Variants in CREBZF observed in about 807,000 individuals in gnomAD.
CREBZF encodes HCF-binding transcription factor Zhangfei.
CREBZF carries 8 observed loss-of-function variants against 21.1 expected under a neutral mutation model. That is an observed-to-expected ratio of 0.38 (90% CI 0.22 to 0.68). The LOEUF (loss-of-function observed/expected upper bound fraction) is 0.68. Ranked by LOEUF, CREBZF falls within the 30% of genes least tolerant of loss-of-function variation. The probability of loss-of-function intolerance (pLI) is 0.51; values close to 1 mark genes in which losing one functional copy is unlikely to be tolerated. For synonymous variants in CREBZF, 270 were observed against 223.3 expected, an observed-to-expected ratio of 1.21 and a Z score of -1.86; for missense variants, 518 against 484.3, an observed-to-expected ratio of 1.07 and a Z score of -0.65.
intron 1 of CREBZF, among the ~76,000 whole-genome samples, chr11:85,682,339 T>G (rs2082981546): frequency 6.6e-6 from 1 of 152,200 alleles, no homozygotes; most frequent in African/African-American, 2.4e-5. Context: ...TGTTGTGGGC[T>G]CTTCTTCGGT....
In CREBZF at chr11:85,660,454, A is replaced by AT. The variant is rs1424542328; in HGVS notation, c.*3356dup. On this transcript the variant is annotated 3_prime_UTR_variant, in exon 1 of 1. Transcript: ENST00000527447. Reference sequence around the variant, plus strand: ...GGAAAGTGAAATCAGTATAGAAGTAATTTGGGAACTTGAAAATGGCATTCA... The same window carrying AT: ...GGAAAGTGAAATCAGTATAGAAGTAATTTTGGGAACTTGAAAATGGCATTCA... The AT allele has an allele frequency of 1.3e-5, 5 of 379,410 alleles. No individual in the cohort carries two copies. Among genetic ancestry groups the AT allele is most frequent in the African/African-American group, 4.3e-5 (2 of 46,492 alleles). The allele number at this position is 379,410 out of a possible 1,614,324, so 23.5% of individuals were successfully genotyped here.
At chr11:85,680,784 C>CTT (rs1215430900) in intron 1 of CREBZF, among the ~76,000 whole-genome samples, 1 of 152,170 alleles carries the variant, frequency 6.6e-6, no homozygotes, top group African/African-American at 2.4e-5. Flanking sequence ...ATTCCAATAA[C>CTT]TTTTTTAAGA....
In CREBZF at chr11:85,664,927, C is replaced by G; in HGVS notation, c.-52G>C. ...CCCCGGCCGCTAAGAGTGGGCCTCA[C>G]GGGCCCCAAGGATCCCAGGCCCCAG... is the stretch of plus-strand genomic sequence containing the variant. On this transcript the variant is annotated 5_prime_UTR_variant, in exon 1 of 1. Transcript: ENST00000527447. The surrounding 1 kb of genome is among the most constrained non-coding windows in gnomAD (Gnocchi z 5.5). 1 of 1,309,064 alleles carries G rather than the reference C, an allele frequency of 7.6e-7. No individual in the cohort carries two copies. The highest frequency in any genetic ancestry group is 1.0e-6 in the Non-Finnish European group (1 of 1,000,610). 81.1% of individuals were successfully genotyped at this position (1,309,064 alleles called of 1,614,324 possible).
rs1207355186 is a variant in CREBZF, at chr11:85,659,067, T to A, written c.*4744A>T. ...CACTACAAATTTCTAATGGAAGAAT[T>A]CCCTTTTTGATCCGCAGCTTAGGTG... On this transcript the variant is annotated 3_prime_UTR_variant, in exon 1 of 1. Coordinates refer to ENST00000527447, the MANE Select transcript of CREBZF (RefSeq NM_001039618.4). Among the ~76,000 whole-genome samples the A allele has an allele frequency of 6.6e-6, 1 of 151,954 alleles. No homozygotes were observed. Among genetic ancestry groups the A allele is most frequent in the Admixed American group, 6.6e-5 (1 of 15,242 alleles).
chr11:85,670,449 G>A (rs530426979), intron 1 of CREBZF, among the ~76,000 whole-genome samples: 9 of 151,640 alleles, frequency 5.9e-5, no homozygotes, highest in Admixed American at 1.3e-4. Flanking sequence ...GACTACAGGC[G>A]CCTACCACCA....
At chr11:85,668,054 A>C (rs568067320), upstream of CREBZF, among the ~76,000 whole-genome samples, 46 of 152,068 alleles carry the variant, frequency 3.0e-4, no homozygotes, top group Non-Finnish European at 5.6e-4. Context: ...AAATTCTTAC[A>C]TACACTTGGA....
At position 85,663,559 on chromosome 11, in the gene CREBZF, C is replaced by T. The variant is rs3180642; in HGVS notation, c.*252G>A. 1 of 1,476,130 alleles carries T rather than the reference C, an allele frequency of 6.8e-7. No homozygotes were observed. Among genetic ancestry groups the T allele is most frequent in the Non-Finnish European group, 9.3e-7 (1 of 1,079,100 alleles). 91.4% of individuals were successfully genotyped at this position (1,476,130 alleles called of 1,614,324 possible). On this transcript the variant is annotated 3_prime_UTR_variant, in exon 1 of 1. Coordinates refer to ENST00000527447, the MANE Select transcript of CREBZF (RefSeq NM_001039618.4). ...GGCGGGAACGACTGTTCTGTAACCC[C>T]TACAACGGAGCCTGGCAGGAAGGAA...
rs201745821 is a variant in CREBZF at position 85,663,836 on chromosome 11, T to A, written c.1040A>T (p.Lys347Met). ...CTACATTTTAAGAGAAGACGACGCC[T>A]TCCGGGCGCACGCCGAGCAGAACTC... ...SVEFCSACARKASSSLKM is the reference protein window; with the variant it reads ...SVEFCSACARMASSSLKM The change falls in exon 1 of 1, where the codon AAG becomes ATG. Residue 347 changes from lysine (K) to methionine (M), a missense_variant. By Grantham distance (95) the Lys-to-Met change is moderately conservative. Coordinates refer to ENST00000527447, the MANE Select transcript of CREBZF (RefSeq NM_001039618.4). The A allele has an allele frequency of 3.6e-5, 58 of 1,603,844 alleles. No individual in the cohort carries two copies. The highest frequency in any genetic ancestry group is 2.0e-5 in the Non-Finnish European group (24 of 1,177,362).
chr11:85,672,720 T>A (rs1341655153), intron 1 of CREBZF, among the ~76,000 whole-genome samples: 2 of 152,226 alleles, frequency 1.3e-5, no homozygotes, highest in Non-Finnish European at 2.9e-5. Flanking sequence ...GATGGCTGTC[T>A]TCACCTAGAG....
intron 1 of CREBZF, among the ~76,000 whole-genome samples, chr11:85,679,389 A>G (rs972627064): frequency 6.6e-6 from 1 of 152,200 alleles, no homozygotes; most frequent in Non-Finnish European, 1.5e-5. Flanking sequence ...ACCACTTAGC[A>G]TAGTGTCTTG....
Position 85,664,020 on chromosome 11 carries a change from C to A in CREBZF, c.856G>T (p.Gly286Cys), listed in dbSNP as rs2082768914. ...GLARLLSRLS[G>C]VGLRLTTSLF... ...GAGGTGGTCAGCCGCAGTCCCACGC[C>A]GCTCAGCCGGCTCAGCAAGCGAGCC... The change falls in exon 1 of 1, where the codon GGC becomes TGC. Residue 286 changes from glycine to cysteine, a missense_variant. Physicochemically the swap from Gly to Cys is radical, Grantham distance 159. Around this residue, in one of 3 missense-constraint regions of CREBZF, gnomAD observed 114 missense variants for 134.1 expected, o/e 0.85. Transcript: ENST00000527447. The surrounding 1 kb of genome is among the most constrained non-coding windows in gnomAD (Gnocchi z 5.5). The A allele has an allele frequency of 6.2e-7, 1 of 1,612,968 alleles. No homozygotes were observed. Among genetic ancestry groups the A allele is most frequent in the Non-Finnish European group, 8.5e-7 (1 of 1,179,968 alleles).
chr11:85,680,728 G>C (rs1031294993), intron 1 of CREBZF, among the ~76,000 whole-genome samples: 1 of 152,162 alleles, frequency 6.6e-6, no homozygotes, highest in South Asian at 2.1e-4. Context: ...TTTGTCCTTA[G>C]GAATACACAA....
chr11:85,665,245 A>G (rs1362579800), upstream of CREBZF: 2 of 248,396 alleles, frequency 8.1e-6, no homozygotes, highest in Middle Eastern at 1.2e-3. Flanking sequence ...TGATGTCATA[A>G]TAACAGCGGC....
At chr11:85,672,883 C>G (rs745950947) in intron 1 of CREBZF, among the ~76,000 whole-genome samples, 1 of 152,168 alleles carries the variant, frequency 6.6e-6, no homozygotes, top group South Asian at 2.1e-4. Flanking sequence ...ATTAGAGAGC[C>G]TATCTTAAGG....
At chr11:85,678,569 A>T (rs538969253) in intron 1 of CREBZF, among the ~76,000 whole-genome samples, 38 of 152,204 alleles carry the variant, frequency 2.5e-4, no homozygotes, top group Non-Finnish European at 5.4e-4. Flanking sequence ...ATTACAACTA[A>T]CAAACTAACG....
At chr11:85,671,588 A>C (rs114769973) in intron 1 of CREBZF, among the ~76,000 whole-genome samples, 203 of 152,354 alleles carry the variant, frequency 1.3e-3, no homozygotes, top group African/African-American at 4.7e-3. Context: ...GGGTAAATAC[A>C]CCTATTCCAA....
In CREBZF at chr11:85,663,972, C is replaced by A. The variant is rs1366423883; in HGVS notation, c.904G>T (p.Gly302Cys). ...TTSLFRDSPAGDHDYALPVGK... is the reference protein window; with the variant it reads ...TTSLFRDSPACDHDYALPVGK... The stretch of plus-strand genomic sequence containing the variant: ...ACCGGCAGAGCGTAGTCGTGGTCAC[C>A]GGCGGGCGAGTCTCTGAAGAGCGAG... Residue 302 changes from glycine (G) to cysteine (C), a missense_variant, in exon 1 of 1, where the codon GGT (glycine) becomes TGT (cysteine). Gly to Cys is a radical substitution (Grantham distance 159). Around this residue, in one of 3 missense-constraint regions of CREBZF, gnomAD observed 114 missense variants for 134.1 expected, o/e 0.85. Coordinates refer to ENST00000527447, the MANE Select transcript of CREBZF (RefSeq NM_001039618.4). The A allele has an allele frequency of 1.2e-6, 2 of 1,613,290 alleles. No individual in the cohort carries two copies. The highest frequency in any genetic ancestry group is 3.3e-5 in the Admixed American group (2 of 60,030).
chr11:85,665,365 G>A (rs911761956), upstream of CREBZF, among the ~76,000 whole-genome samples: 3 of 151,880 alleles, frequency 2.0e-5, no homozygotes, highest in Non-Finnish European at 4.4e-5. Flanking sequence ...TTACATAAAT[G>A]CTTGTAAATT....
In CREBZF at chr11:85,659,596, C is replaced by T. The variant is rs1236651687; in HGVS notation, c.*4215G>A. The T allele has an allele frequency of 1.3e-5, 2 of 152,036 alleles. No homozygotes were observed. Among genetic ancestry groups the T allele is most frequent in the African/African-American group, 2.4e-5 (1 of 41,416 alleles). The allele number at this position is 152,036 out of a possible 1,614,324, so 9.4% of individuals were successfully genotyped here. The stretch of plus-strand genomic sequence containing the variant: ...TAAAAGCCAATCTCCTACCCAATCC[C>T]TCTTCTATCAGCTGCACATTTCCAA... On this transcript the variant is annotated 3_prime_UTR_variant, in exon 1 of 1. Coordinates refer to ENST00000527447, the MANE Select transcript of CREBZF (RefSeq NM_001039618.4).
Sources: allele counts gnomAD v4.1 joint callset (sites outside exome capture counted in the v4.1 genomes callset), GRCh38; gene constraint gnomAD v4.1.1; regional missense constraint gnomAD v4.1.1; non-coding constraint Gnocchi (gnomAD v3.1); transcripts MANE v1.5; gene names NCBI Gene and HGNC (gene_info 2026-07-23, HGNC 2026-07-21).